PPP2R2C: variants seen among roughly 807,000 people sequenced by gnomAD.
PPP2R2C encodes protein phosphatase 2, regulatory subunit B, gamma.
Under a neutral mutation model 45.3 loss-of-function variants are expected in PPP2R2C, and 10 were observed. The ratio of observed to expected loss-of-function variants is 0.22; its 90% CI spans 0.14 to 0.37. The LOEUF (loss-of-function observed/expected upper bound fraction) is 0.37, where lower values mean the gene tolerates loss of function less well. PPP2R2C is among the 10% of genes least tolerant of loss of function. The pLI is 1.00. For synonymous variants in PPP2R2C, 257 were observed against 245.4 expected (o/e 1.05, Z -0.44); for missense variants, 308 against 619.7 (o/e 0.50, Z 5.34).
At position 6,554,947 on chromosome 4, in the gene PPP2R2C, GAA is replaced by G. The variant is rs796908499; in HGVS notation, c.-59+8611_-59+8612del. Among the ~76,000 whole-genome samples, 505 of 134,422 alleles carry G rather than the reference GAA, an allele frequency of 3.8e-3. 2 individuals are homozygous for G. The highest frequency in any genetic ancestry group is 0.01 in the African/African-American group (368 of 36,710). The allele number at this position is 134,422 out of a possible 152,430, so 88.2% of individuals were successfully genotyped here. On this transcript the variant is annotated intron_variant, in intron 1 of 9. Transcript: ENST00000506140. ...GGAAGGAAGGAAAGAAAGAAAGAAA[GAA>G]AGAAAGAAAGAAAGAAAGAGAAAGA...
intron 2 of PPP2R2C, chr4:6,380,292 T>C (rs1715680108): frequency 6.6e-6 from 1 of 152,248 alleles, no homozygotes; most frequent in Admixed American, 6.5e-5. Context: ...ACTTAGCAAG[T>C]GTTCTCAGTA....
intron 1 of PPP2R2C, among the ~76,000 whole-genome samples, chr4:6,542,919 TAGA>T (rs1361397173): frequency 6.6e-6 from 1 of 152,100 alleles, no homozygotes; most frequent in African/African-American, 2.4e-5. Context: ...CAGAATATAT[TAGA>T]AGGACAAAAT....
rs536079663 is a variant in PPP2R2C, at chr4:6,328,628, G to A, written c.1052+634C>T. Among the ~76,000 whole-genome samples, 230 of 152,294 alleles carry A rather than the reference G, an allele frequency of 1.5e-3. No individual in the cohort carries two copies. The highest frequency in any genetic ancestry group is 5.2e-3 in the African/African-American group (218 of 41,574). Reference sequence around the variant, plus strand: ...TGCCACAGCCCCCTTGTCCATGCCCGCCCTGGGCTGAGCCCAGGCTAGGGA... The same window carrying A: ...TGCCACAGCCCCCTTGTCCATGCCCACCCTGGGCTGAGCCCAGGCTAGGGA... On this transcript the variant is annotated intron_variant, in intron 8 of 8. Coordinates refer to ENST00000382599, the MANE Select transcript of PPP2R2C (RefSeq NM_020416.4). This position sits in a 1 kb window ranked among gnomAD's most constrained non-coding sequence, Gnocchi z 4.4.
chr4:6,338,824 G>C (rs527726950), intron 6 of PPP2R2C, among the ~76,000 whole-genome samples: 1 of 152,110 alleles, frequency 6.6e-6, no homozygotes, highest in Non-Finnish European at 1.5e-5. Context: ...CCCCTGCCCC[G>C]CCATGTGCTG....
At chr4:6,508,888 C>T (rs1560591630) in intron 2 of PPP2R2C, among the ~76,000 whole-genome samples, 1 of 152,202 alleles carries the variant, frequency 6.6e-6, no homozygotes, top group Admixed American at 6.5e-5. Flanking sequence ...GGCACAAAAT[C>T]CCAGAAGCAT....
chr4:6,337,249 C>T (rs757647838), intron 6 of PPP2R2C, among the ~76,000 whole-genome samples: 23 of 149,550 alleles, frequency 1.5e-4, no homozygotes, highest in African/African-American at 4.7e-4. Context: ...TCACTTCGAA[C>T]GCTTGATTCC....
intron 1 of PPP2R2C, among the ~76,000 whole-genome samples, chr4:6,440,361 C>T (rs960327768): frequency 1.3e-5 from 2 of 152,216 alleles, no homozygotes; most frequent in African/African-American, 2.4e-5. Flanking sequence ...TCAGCAAGCT[C>T]AGGTCAGACT....
intron 1 of PPP2R2C, chr4:6,414,107 TG>T: frequency 7.6e-7 from 1 of 1,320,228 alleles, no homozygotes; most frequent in East Asian, 2.6e-5. Context: ...TGTGTGTGTG[TG>T]TGTGTGTGTG....
intron 6 of PPP2R2C, among the ~76,000 whole-genome samples, chr4:6,334,943 T>A (rs1732727962): frequency 6.6e-6 from 1 of 152,140 alleles, no homozygotes; most frequent in South Asian, 2.1e-4. Flanking sequence ...TATCCCCTCA[T>A]GGGAAATGGC....
At chr4:6,358,122 T>C (rs896653777) in intron 5 of PPP2R2C, among the ~76,000 whole-genome samples, 1 of 152,286 alleles carries the variant, frequency 6.6e-6, no homozygotes, top group African/African-American at 2.4e-5. Flanking sequence ...AGCATGGTAC[T>C]GGTACCAAAA....
At chr4:6,509,462 A>G (rs1723355026) in intron 2 of PPP2R2C, among the ~76,000 whole-genome samples, 1 of 149,928 alleles carries the variant, frequency 6.7e-6, no homozygotes, top group Non-Finnish European at 1.5e-5. Flanking sequence ...AAAAAAATCA[A>G]TTGAGCCTCT....
At chr4:6,554,935 GAAAGAAAGAAAGAAA>G (rs1725323234) in intron 1 of PPP2R2C, among the ~76,000 whole-genome samples, 3 of 83,598 alleles carry the variant, frequency 3.6e-5, no homozygotes, top group South Asian at 3.9e-4. Flanking sequence ...AGGAAGGAAA[GAAAGAAAGAAAGAAA>G]GAAAGAAAGA....
intron 5 of PPP2R2C, among the ~76,000 whole-genome samples, chr4:6,358,628 G>C (rs550256421): frequency 1.1e-3 from 120 of 112,432 alleles, no homozygotes; most frequent in African/African-American, 3.5e-3. Context: ...AATCTACAAA[G>C]AACTTAAACA....
chr4:6,421,225 C>T (rs1490870578), intron 1 of PPP2R2C: 1 of 710,948 alleles, frequency 1.4e-6, no homozygotes, highest in Non-Finnish European at 1.7e-6. Flanking sequence ...GCCAATGCCA[C>T]AAAGGAGTCA....
chr4:6,383,968 G>A, intron 1 of PPP2R2C: 1 of 986,310 alleles, frequency 1.0e-6, no homozygotes, highest in Non-Finnish European at 1.2e-6. Flanking sequence ...GAAGTGGGAT[G>A]ACGGGCTGGA....
At chr4:6,512,458 G>A (rs865809449) in intron 2 of PPP2R2C, among the ~76,000 whole-genome samples, 2 of 54,342 alleles carry the variant, frequency 3.7e-5, no homozygotes, top group East Asian at 8.5e-4. Context: ...GGTGGTGGTG[G>A]TGGTGATTAT....
intron 1 of PPP2R2C, among the ~76,000 whole-genome samples, chr4:6,415,478 A>C (rs1198636433): frequency 6.6e-6 from 1 of 152,210 alleles, no homozygotes; most frequent in Non-Finnish European, 1.5e-5. Context: ...AGGTGCCTCC[A>C]GTCAGGGCAA....
chr4:6,376,754 G>A (rs1005127984), intron 3 of PPP2R2C, among the ~76,000 whole-genome samples: 3 of 152,162 alleles, frequency 2.0e-5, no homozygotes, highest in Admixed American at 2.0e-4. Flanking sequence ...GCATGTGGCT[G>A]ACACGTCCTT....
At chr4:6,426,882 G>C (rs1019629450) in intron 1 of PPP2R2C, among the ~76,000 whole-genome samples, 6 of 152,244 alleles carry the variant, frequency 3.9e-5, no homozygotes, top group Non-Finnish European at 7.3e-5. Flanking sequence ...TTTGCACACA[G>C]AGCTCAAGGA....
Sources: allele counts gnomAD v4.1 joint callset (sites outside exome capture counted in the v4.1 genomes callset), GRCh38; gene constraint gnomAD v4.1.1; non-coding constraint Gnocchi (gnomAD v3.1); transcripts MANE v1.5; gene names NCBI Gene and HGNC (gene_info 2026-07-23, HGNC 2026-07-21).